Variants in ARPP21 observed in about 807,000 individuals in gnomAD.
The protein encoded by ARPP21 is cAMP-regulated phosphoprotein 21.
Under a neutral mutation model 113.2 loss-of-function variants are expected in ARPP21, and 69 were observed. The ratio of observed to expected loss-of-function variants is 0.61; its 90% CI spans 0.50 to 0.74. The LOEUF (loss-of-function observed/expected upper bound fraction) is 0.74. Ranked by LOEUF, ARPP21 falls within the 30% of genes least tolerant of loss-of-function variation. The probability of loss-of-function intolerance (pLI) is 0.00; values close to 1 mark genes in which losing one functional copy is unlikely to be tolerated. For missense variants in ARPP21, 1,070 were observed against 1,037.4 expected (o/e 1.03, Z -0.43); for synonymous variants, 368 against 375.5 (o/e 0.98, Z 0.23).
chr3:35,703,298 G>C (rs2087236339), intron 9 of ARPP21, among the ~76,000 whole-genome samples: 1 of 151,794 alleles, frequency 6.6e-6, no homozygotes, highest in African/African-American at 2.4e-5. Context: ...CTAAAACTGG[G>C]ACTGAATGAC....
intron 13 of ARPP21, among the ~76,000 whole-genome samples, chr3:35,720,738 A>C (rs957946233): frequency 1.3e-5 from 2 of 152,200 alleles, no homozygotes; most frequent in Non-Finnish European, 2.9e-5. Flanking sequence ...TATAAAACAC[A>C]TGCAATTTTG....
intron 5 of ARPP21, 88 bp from the exon 6 acceptor site, chr3:35,687,651 T>A (rs2081026939): frequency 7.9e-7 from 1 of 1,265,742 alleles, no homozygotes; most frequent in Non-Finnish European, 1.1e-6. Context: ...GTTTTCATTT[T>A]TCTATACTTT....
At position 35,729,349 on chromosome 3, in the gene ARPP21, C is replaced by T. The variant is rs374934117; in HGVS notation, c.1272C>T (p.Arg424=). 10 of 1,614,080 alleles carry T rather than the reference C, an allele frequency of 6.2e-6. No individual in the cohort carries two copies. Among genetic ancestry groups the T allele is most frequent in the African/African-American group, 4.0e-5 (3 of 74,934 alleles). Residue 424 remains arginine, a synonymous_variant, in exon 15 of 21, where the codon CGC becomes CGT. Coordinates refer to ENST00000684406, the MANE Select transcript of ARPP21 (RefSeq NM_001385562.1). ...CAGGCTCCTCAGGATCGCTGTCCCG[C>T]ACCCATCCACCTCTCCAGAGCACAC... ...SSAGSSGSLS[R]THPPLQSTPL...
intron 1 of ARPP21, among the ~76,000 whole-genome samples, chr3:35,675,903 C>T (rs1291744813): frequency 6.6e-6 from 1 of 151,780 alleles, no homozygotes; most frequent in African/African-American, 2.4e-5. Context: ...CAGAACTAGT[C>T]TGTATACATA....
intron 1 of ARPP21, chr3:35,641,847 A>G (rs1298494966): frequency 1.3e-5 from 2 of 152,198 alleles, no homozygotes; most frequent in African/African-American, 2.4e-5. Context: ...AAAGATATGG[A>G]AACATAATTG....
intron 1 of ARPP21, among the ~76,000 whole-genome samples, chr3:35,651,547 TC>T (rs1194488052): frequency 2.0e-5 from 3 of 152,182 alleles, no homozygotes; most frequent in Non-Finnish European, 4.4e-5. Context: ...TAGAAGGTGC[TC>T]TTATCAAGAA....
chr3:35,710,246 G>A (rs901711115), intron 11 of ARPP21, among the ~76,000 whole-genome samples: 1 of 152,068 alleles, frequency 6.6e-6, no homozygotes, highest in Non-Finnish European at 1.5e-5. Flanking sequence ...TGGAGGTCTG[G>A]ATGCAATTTT....
intron 1 of ARPP21, among the ~76,000 whole-genome samples, chr3:35,663,058 G>T (rs1004516654): frequency 1.3e-5 from 2 of 151,924 alleles, no homozygotes; most frequent in Admixed American, 6.6e-5. Context: ...CTCAGGCGAT[G>T]GACACCCTAA....
At chr3:35,767,046 C>T (rs1199500618) in intron 19 of ARPP21, among the ~76,000 whole-genome samples, 3 of 152,062 alleles carry the variant, frequency 2.0e-5, no homozygotes, top group Non-Finnish European at 4.4e-5. Flanking sequence ...TCAGTGAAAC[C>T]ACTCTGTAAA....
intron 18 of ARPP21, among the ~76,000 whole-genome samples, chr3:35,740,858 G>T (rs1413920375): frequency 1.3e-5 from 2 of 152,050 alleles, no homozygotes; most frequent in African/African-American, 4.8e-5. Context: ...TGCACTTTGG[G>T]GGGCTGAGGC....
chr3:35,673,142 C>T (rs1244733796), intron 1 of ARPP21, among the ~76,000 whole-genome samples: 1 of 151,822 alleles, frequency 6.6e-6, no homozygotes, highest in Non-Finnish European at 1.5e-5. Context: ...TCAGAGCTGC[C>T]CTATATAACT....
At chr3:35,707,494 C>A (rs546661968) in intron 10 of ARPP21, 35 of 462,334 alleles carry the variant, frequency 7.6e-5, no homozygotes, top group South Asian at 5.4e-4. Context: ...ATTATCAATA[C>A]GGACCGATGA....
At chr3:35,706,276 A>G (rs2088979999) in intron 9 of ARPP21, among the ~76,000 whole-genome samples, 1 of 152,216 alleles carries the variant, frequency 6.6e-6, no homozygotes, top group Non-Finnish European at 1.5e-5. Flanking sequence ...CTTTAATAAT[A>G]CCAAATGATT....
At chr3:35,682,800 TTTTG>T (rs2079338186) in intron 3 of ARPP21, 44 bp from the exon 4 acceptor site, 4 of 1,545,550 alleles carry the variant, frequency 2.6e-6, no homozygotes, top group Admixed American at 1.9e-5. Context: ...TACTGTTCGT[TTTTG>T]TTTGTTTTAT....
At chr3:35,782,799 A>C (rs374112055) in intron 19 of ARPP21, among the ~76,000 whole-genome samples, 14 of 152,198 alleles carry the variant, frequency 9.2e-5, no homozygotes, top group Admixed American at 8.5e-4. Flanking sequence ...GAAAAACAAA[A>C]CTATAAAATC....
At chr3:35,743,742 A>C in intron 18 of ARPP21, 97 bp from the exon 19 acceptor site, 1 of 1,368,968 alleles carries the variant, frequency 7.3e-7, no homozygotes, top group Non-Finnish European at 1.0e-6. Context: ...CCATCTTCAC[A>C]ACCTACCACA....
intron 8 of ARPP21, 142 bp downstream of exon 8, chr3:35,690,282 G>C: frequency 3.3e-6 from 2 of 612,164 alleles, no homozygotes; most frequent in South Asian, 2.0e-5. Flanking sequence ...AGACATTATT[G>C]GAGTTAGGAC....
intron 9 of ARPP21, among the ~76,000 whole-genome samples, chr3:35,697,925 C>T (rs952827775): frequency 1.3e-5 from 2 of 151,598 alleles, no homozygotes; most frequent in African/African-American, 4.8e-5. Context: ...CTTAATCATC[C>T]TCTGAAGAAG....
intron 19 of ARPP21, among the ~76,000 whole-genome samples, chr3:35,759,841 T>C (rs1331845029): frequency 6.6e-6 from 1 of 152,028 alleles, no homozygotes; most frequent in African/African-American, 2.4e-5. Context: ...CTTTTTAAAC[T>C]GAAGAATTAA....
Sources: allele counts gnomAD v4.1 joint callset (sites outside exome capture counted in the v4.1 genomes callset), GRCh38; gene constraint gnomAD v4.1.1; transcripts MANE v1.5; gene names NCBI Gene and HGNC (gene_info 2026-07-23, HGNC 2026-07-21).